Variants in ARHGEF10 observed in about 807,000 individuals in gnomAD.
ARHGEF10 encodes the protein Rho guanine nucleotide exchange factor (GEF) 10.
Under a neutral mutation model 147.4 loss-of-function variants are expected in ARHGEF10, and 140 were observed. The ratio of observed to expected loss-of-function variants is 0.95; its 90% confidence interval spans 0.83 to 1.09. The LOEUF (loss-of-function observed/expected upper bound fraction) is 1.09, where lower values mean the gene tolerates loss of function less well. Among genes scored for constraint, ARHGEF10 ranks in the 50% least tolerant of loss-of-function variants. The probability of loss-of-function intolerance (pLI) is 0.00; values close to 1 mark genes in which losing one functional copy is unlikely to be tolerated. For missense variants in ARHGEF10, 2,222 were observed against 1,752.7 expected (o/e 1.27, Z -4.78); for synonymous variants, 902 against 695.8 (o/e 1.30, Z -4.67).
chr8:1,945,866 G>GCGTGAAGGAGCCGC, intron 27 of ARHGEF10: 1 of 842,910 alleles, frequency 1.2e-6, no homozygotes, highest in Non-Finnish European at 1.9e-6. Context: ...GCAGGGCACA[G>GCGTGAAGGAGCCGC]GTCCTGAAGG....
chr8:1,952,930 T>A (rs1815175597), intron 28 of ARHGEF10, 103 bp downstream of exon 28: 2 of 1,498,222 alleles, frequency 1.3e-6, no homozygotes, highest in Non-Finnish European at 1.8e-6. Context: ...TTTAAACAAT[T>A]CATATTATCT....
intron 10 of ARHGEF10, 98 bp from the exon 11 acceptor site, chr8:1,885,503 C>G (rs1808578062): frequency 3.5e-6 from 3 of 859,720 alleles, no homozygotes; most frequent in East Asian, 5.3e-5. Context: ...ATTGAAAGGT[C>G]TACACAAAAT....
intron 10 of ARHGEF10, among the ~76,000 whole-genome samples, chr8:1,884,867 C>T (rs1483447724): frequency 3.3e-5 from 5 of 152,162 alleles, no homozygotes; most frequent in Non-Finnish European, 4.4e-5. Flanking sequence ...TGGGTTCAGG[C>T]GATCCTCCTG....
chr8:1,949,809 C>T (rs117979728), intron 27 of ARHGEF10, among the ~76,000 whole-genome samples: 8,136 of 151,350 alleles, frequency 0.054, 287 homozygotes, highest in Middle Eastern at 0.11. Context: ...TTCTCGGTGG[C>T]CGGTGTGGCC....
intron 7 of ARHGEF10, among the ~76,000 whole-genome samples, chr8:1,871,389 T>C (rs940589853): frequency 6.6e-6 from 1 of 151,978 alleles, no homozygotes; most frequent in Admixed American, 6.6e-5. Flanking sequence ...AAATTAAAAA[T>C]GATATACTAC....
intron 5 of ARHGEF10, among the ~76,000 whole-genome samples, chr8:1,865,070 G>T (rs897012617): frequency 9.9e-5 from 15 of 152,242 alleles, no homozygotes; most frequent in African/African-American, 3.6e-4. Flanking sequence ...TTCAAACATA[G>T]AAATAGTTAT....
In ARHGEF10 at chr8:1,881,186, G is replaced by A. The variant is rs74630961; in HGVS notation, c.960+1022G>A. Among the ~76,000 whole-genome samples, 216 of 152,264 alleles carry A rather than the reference G, an allele frequency of 1.4e-3. 2 individuals carry two copies. The East Asian group carries it at 0.031, about 22-fold the overall frequency. Reference sequence around the variant, plus strand: ...AGGCAGCCAGGGCTGGGCCCAGCACGCTCGCTTCCCCTGGTGAGAACACCC... The same window carrying A: ...AGGCAGCCAGGGCTGGGCCCAGCACACTCGCTTCCCCTGGTGAGAACACCC... On this transcript the variant is annotated intron_variant, in intron 9 of 28. Transcript: ENST00000349830.
intron 18 of ARHGEF10, among the ~76,000 whole-genome samples, chr8:1,912,587 C>T (rs1277215145): frequency 1.3e-5 from 2 of 152,220 alleles, no homozygotes; most frequent in African/African-American, 2.4e-5. Flanking sequence ...TGCAAAAGCG[C>T]CATGTGGATC....
At chr8:1,956,363 C>G (rs1055497582) in intron 28 of ARHGEF10, among the ~76,000 whole-genome samples, 5 of 152,064 alleles carry the variant, frequency 3.3e-5, no homozygotes, top group Admixed American at 2.6e-4. Flanking sequence ...ACATTTCAGG[C>G]GTTAATATTT....
intron 17 of ARHGEF10, among the ~76,000 whole-genome samples, chr8:1,908,882 T>C (rs1176724976): frequency 9.2e-5 from 14 of 152,196 alleles, no homozygotes; most frequent in Admixed American, 8.5e-4. Flanking sequence ...GTGGTTACAG[T>C]GTAGCCATAA....
At chr8:1,945,806 A>C in intron 27 of ARHGEF10, 151 bp downstream of exon 27, 1 of 1,205,270 alleles carries the variant, frequency 8.3e-7, no homozygotes, top group Non-Finnish European at 1.2e-6. Context: ...AGGCCCAGGG[A>C]CAGACGTGGG....
At chr8:1,823,675 G>C (rs74678695), upstream of ARHGEF10, among the ~76,000 whole-genome samples, 8 of 151,912 alleles carry the variant, frequency 5.3e-5, no homozygotes, top group African/African-American at 9.7e-5. Context: ...AGCGCGGCCC[G>C]GGGTCCGCGG....
intron 26 of ARHGEF10, among the ~76,000 whole-genome samples, chr8:1,936,075 C>T (rs889809228): frequency 3.3e-5 from 5 of 152,090 alleles, no homozygotes; most frequent in South Asian, 2.1e-4. Flanking sequence ...ATTTTTCAGC[C>T]GTGTCATATG....
intron 10 of ARHGEF10, among the ~76,000 whole-genome samples, chr8:1,882,981 A>G (rs570029648): frequency 4.5e-4 from 69 of 152,328 alleles, no homozygotes; most frequent in Admixed American, 3.5e-3. Flanking sequence ...ATTGAGAATC[A>G]TTGAGAATCA....
At chr8:1,853,034 A>AGGTTAGATTTGGGCCGGGCGCTGGCGGGT (rs1334326059) in intron 2 of ARHGEF10, among the ~76,000 whole-genome samples, 1 of 152,138 alleles carries the variant, frequency 6.6e-6, no homozygotes, top group Non-Finnish European at 1.5e-5. Flanking sequence ...AATGGTCCCC[A>AGGTTAGATTTGGGCCGGGCGCTGGCGGGT]GGTTAGATTT....
At chr8:1,944,216 A>G (rs148391685) in intron 26 of ARHGEF10, among the ~76,000 whole-genome samples, 9,836 of 115,606 alleles carry the variant, frequency 0.085, 411 homozygotes, top group Middle Eastern at 0.18. Context: ...CTCCTGCACC[A>G]TGTCGCCTCC....
At chr8:1,877,132 T>C (rs1224778146) in intron 8 of ARHGEF10, among the ~76,000 whole-genome samples, 3 of 152,248 alleles carry the variant, frequency 2.0e-5, no homozygotes, top group Non-Finnish European at 2.9e-5. Flanking sequence ...AAGTGAGGTT[T>C]CAACTTTAGC....
intron 18 of ARHGEF10, among the ~76,000 whole-genome samples, chr8:1,917,802 T>C (rs1236677409): frequency 1.3e-5 from 2 of 151,850 alleles, no homozygotes; most frequent in South Asian, 4.2e-4. Flanking sequence ...TGAGATGGAG[T>C]CTCCCTCTGT....
intron 1 of ARHGEF10, among the ~76,000 whole-genome samples, chr8:1,837,365 A>T (rs1457395085): frequency 6.6e-6 from 1 of 152,248 alleles, no homozygotes; most frequent in African/African-American, 2.4e-5. Flanking sequence ...TGTCACCCTT[A>T]AAAAGGGCCA....
Sources: gnomAD v4.1 joint callset for allele counts (sites outside exome capture counted in the v4.1 genomes callset) on GRCh38, gnomAD v4.1.1 for gene constraint, MANE v1.5 for transcripts, NCBI Gene and HGNC (gene_info 2026-07-23, HGNC 2026-07-21) for gene names.